PDE10A: variants seen among roughly 807,000 people sequenced by gnomAD.
PDE10A encodes the protein cAMP and cAMP-inhibited cGMP 3',5'-cyclic phosphodiesterase 10A.
A neutral mutation model predicts 97.7 loss-of-function variants in PDE10A; 39 were observed. That is an observed-to-expected ratio of 0.40 (90% CI 0.31 to 0.52). PDE10A has a LOEUF of 0.52. Among genes scored for constraint, PDE10A ranks in the 20% least tolerant of loss-of-function variants. The pLI, the probability that PDE10A is intolerant of heterozygous loss-of-function variation, is 0.56. For synonymous variants in PDE10A, 371 were observed against 376.8 expected, an observed-to-expected ratio of 0.98 and a Z score of 0.18; for missense variants, 731 against 1,047.8, an observed-to-expected ratio of 0.70 and a Z score of 4.17.
At chr6:165,927,397 C>T (rs1782970106) in intron 1 of PDE10A, among the ~76,000 whole-genome samples, 1 of 151,716 alleles carries the variant, frequency 6.6e-6, no homozygotes, top group Non-Finnish European at 1.5e-5. Flanking sequence ...TCATATAAAA[C>T]TATTTTATTG....
intron 1 of PDE10A, among the ~76,000 whole-genome samples, chr6:165,587,751 C>T (rs3008053): frequency 0.8 from 122,041 of 151,900 alleles, 51,745 homozygotes; most frequent in Non-Finnish European, 0.95. Flanking sequence ...AAATGCAACA[C>T]ATAATTTTCA....
intron 1 of PDE10A, among the ~76,000 whole-genome samples, chr6:165,914,550 ACAAAGGTGT>A (rs1200151519): frequency 6.6e-6 from 1 of 152,210 alleles, no homozygotes; most frequent in African/African-American, 2.4e-5. Context: ...CAACAGCTGT[ACAAAGGTGT>A]CAAGGGGAGG....
chr6:165,749,330 T>TCCCCATC, intron 1 of PDE10A, among the ~76,000 whole-genome samples: 5 of 8,290 alleles, frequency 6.0e-4, no homozygotes, highest in African/African-American at 1.8e-3. Flanking sequence ...CCATCACCAA[T>TCCCCATC]ACCACCATCA....
intron 5 of PDE10A, among the ~76,000 whole-genome samples, chr6:165,446,527 G>T (rs1246299475): frequency 6.6e-6 from 1 of 152,168 alleles, no homozygotes; most frequent in East Asian, 1.9e-4. Flanking sequence ...GCAAAACACA[G>T]TAATTATCCC....
At chr6:165,770,163 C>CA (rs11442419) in intron 1 of PDE10A, among the ~76,000 whole-genome samples, 33,772 of 127,706 alleles carry the variant, frequency 0.26, 4,781 homozygotes, top group East Asian at 0.51. Context: ...TGCAAAAGGG[C>CA]AAAAAAAAAA....
At chr6:165,933,521 A>T (rs1290390337) in intron 1 of PDE10A, among the ~76,000 whole-genome samples, 2 of 152,246 alleles carry the variant, frequency 1.3e-5, no homozygotes, top group South Asian at 2.1e-4. Flanking sequence ...GGGAAAAATT[A>T]AAAAAGCATT....
intron 18 of PDE10A, among the ~76,000 whole-genome samples, chr6:165,345,025 G>A (rs1782214502): frequency 6.6e-6 from 1 of 152,048 alleles, no homozygotes; most frequent in Admixed American, 6.6e-5. Context: ...ATGAATATAT[G>A]ACCTTTTTTT....
At chr6:165,987,964 T>C, upstream of PDE10A, 1 of 384,128 alleles carries the variant, frequency 2.6e-6, no homozygotes. Context: ...CATGAGTGCT[T>C]GTGTGTGCGT....
At chr6:165,720,190 A>G (rs1792130231) in intron 1 of PDE10A, among the ~76,000 whole-genome samples, 1 of 152,102 alleles carries the variant, frequency 6.6e-6, no homozygotes, top group African/African-American at 2.4e-5. Flanking sequence ...GGATGGGGAG[A>G]GGGGGAGAGA....
At chr6:165,548,150 A>G (rs1471811453) in intron 1 of PDE10A, among the ~76,000 whole-genome samples, 1 of 152,096 alleles carries the variant, frequency 6.6e-6, no homozygotes, top group African/African-American at 2.4e-5. Flanking sequence ...AAATTATTTT[A>G]ATATATTAGT....
intron 2 of PDE10A, among the ~76,000 whole-genome samples, chr6:165,539,881 A>G (rs749242083): frequency 6.6e-6 from 1 of 152,120 alleles, no homozygotes; most frequent in Non-Finnish European, 1.5e-5. Context: ...AGCCGAGAGC[A>G]CACCACTGCA....
At chr6:165,387,762 TGATAA>T (rs1041025197) in intron 17 of PDE10A, among the ~76,000 whole-genome samples, 107 of 152,322 alleles carry the variant, frequency 7.0e-4, no homozygotes, top group African/African-American at 2.2e-3. Flanking sequence ...ATAGCTACCT[TGATAA>T]GATGAGTTTG....
chr6:165,902,463 G>A (rs1402167014), intron 1 of PDE10A, among the ~76,000 whole-genome samples: 2 of 152,160 alleles, frequency 1.3e-5, no homozygotes, highest in East Asian at 1.9e-4. Context: ...ACATGCATAG[G>A]TGGTGCACCC....
chr6:165,467,358 C>A (rs1433904266), intron 3 of PDE10A, among the ~76,000 whole-genome samples: 2 of 152,198 alleles, frequency 1.3e-5, no homozygotes, highest in African/African-American at 4.8e-5. Context: ...GAGGTGTCAT[C>A]TAGGACCCTT....
At chr6:165,444,325 A>T (rs920176049) in intron 5 of PDE10A, among the ~76,000 whole-genome samples, 15 of 152,170 alleles carry the variant, frequency 9.9e-5, no homozygotes, top group Non-Finnish European at 2.1e-4. Flanking sequence ...AAATACATTA[A>T]AGTTAGGGTC....
intron 1 of PDE10A, among the ~76,000 whole-genome samples, chr6:165,733,596 T>C (rs903275023): frequency 1.3e-5 from 2 of 152,204 alleles, no homozygotes; most frequent in African/African-American, 4.8e-5. Context: ...ATTATTCTCA[T>C]AAAGGGTGGG....
intron 20 of PDE10A, among the ~76,000 whole-genome samples, chr6:165,338,783 G>A (rs553286847): frequency 2.6e-5 from 4 of 152,292 alleles, no homozygotes; most frequent in Admixed American, 6.5e-5. Flanking sequence ...GAAAGGAGTC[G>A]TGGCCAAGGT....
At chr6:165,965,903 T>C (rs956839640) in intron 1 of PDE10A, among the ~76,000 whole-genome samples, 5 of 152,224 alleles carry the variant, frequency 3.3e-5, no homozygotes, top group African/African-American at 1.2e-4. Flanking sequence ...TCTGATCCTT[T>C]TGTGAGTTTT....
intron 1 of PDE10A, among the ~76,000 whole-genome samples, chr6:165,722,431 G>A (rs1792188287): frequency 6.6e-6 from 1 of 152,216 alleles, no homozygotes. Flanking sequence ...ACGGATGCCT[G>A]AAACCATGGA....
Sources: gnomAD v4.1 joint callset for allele counts (sites outside exome capture counted in the v4.1 genomes callset) on GRCh38, gnomAD v4.1.1 for gene constraint, MANE v1.5 for transcripts, NCBI Gene and HGNC (gene_info 2026-07-23, HGNC 2026-07-21) for gene names.